The following ANXA1 variants were observed in gnomAD, a reference collection of about 807,000 sequenced individuals.
The protein encoded by ANXA1 is annexin I (lipocortin I).
ANXA1 carries 39 observed loss-of-function variants against 47.9 expected under a neutral mutation model. The ratio of observed to expected loss-of-function variants is 0.81; its 90% CI spans 0.63 to 1.06. ANXA1 has a LOEUF of 1.06. Ranked by LOEUF, ANXA1 falls within the 50% of genes least tolerant of loss-of-function variation. The pLI is 0.00. For synonymous variants in ANXA1, 146 were observed against 142.5 expected, an observed-to-expected ratio of 1.02 and a Z score of -0.17; for missense variants, 446 against 422.7, an observed-to-expected ratio of 1.06 and a Z score of -0.48.
At chr9:73,169,982 T>G (rs1003679038) in intron 12 of ANXA1, 69 bp from the exon 13 acceptor site, 8 of 1,191,578 alleles carry the variant, frequency 6.7e-6, no homozygotes, top group Middle Eastern at 2.4e-4. Flanking sequence ...ATAATTCTTC[T>G]ATAAGTAAAA....
intron 11 of ANXA1, chr9:73,168,094 A>C (rs1402856839): frequency 3.3e-5 from 5 of 152,224 alleles, no homozygotes; most frequent in African/African-American, 1.2e-4. Flanking sequence ...TGACATTTTG[A>C]GCCCACAAAT....
intron 9 of ANXA1, 167 bp downstream of exon 9, chr9:73,165,376 T>C (rs1588224461): frequency 1.8e-6 from 1 of 540,566 alleles, no homozygotes; most frequent in East Asian, 3.2e-5. Flanking sequence ...TCCAATTTTG[T>C]ACAGCCGCTA....
chr9:73,156,174 A>T (rs560028960), intron 1 of ANXA1, among the ~76,000 whole-genome samples: 86 of 148,276 alleles, frequency 5.8e-4, no homozygotes, highest in South Asian at 3.8e-3. Context: ...AATAAATAAA[A>T]TAAATAAATA....
At chr9:73,158,650 G>T (rs1490353672) in intron 2 of ANXA1, 45 bp from the exon 3 acceptor site, 1 of 1,608,804 alleles carries the variant, frequency 6.2e-7, no homozygotes, top group Non-Finnish European at 8.5e-7. Context: ...AAATAAAAAC[G>T]AATATAAGTA....
In ANXA1 at chr9:73,158,561, A is replaced by G. The variant is rs1588218566; in HGVS notation, c.26A>G (p.Lys9Arg). 1 of 1,613,792 alleles carries G rather than the reference A, an allele frequency of 6.2e-7. No individual in the cohort carries two copies. The highest frequency in any genetic ancestry group is 8.5e-7 in the Non-Finnish European group (1 of 1,179,826). The change falls in exon 2 of 13, where the codon AAG becomes AGG. Residue 9 changes from lysine (K) to arginine (R), a missense_variant. Transcript: ENST00000257497. MAMVSEFLKQAWFIENEEQ... is the reference protein window; with the variant it reads MAMVSEFLRQAWFIENEEQ... ...ATGGCAATGGTATCAGAATTCCTCA[A>G]GCAGGCCTGGTTTATTGAAAATGAA...
chr9:73,152,701 C>T (rs919998509), intron 1 of ANXA1, among the ~76,000 whole-genome samples: 11 of 152,080 alleles, frequency 7.2e-5, no homozygotes, highest in Admixed American at 2.6e-4. Context: ...AGCTATTCCA[C>T]TTGATTGTTG....
chr9:73,158,640 A>C (rs375641852), intron 2 of ANXA1, 39 bp downstream of exon 2: 93 of 1,609,726 alleles, frequency 5.8e-5, no homozygotes, highest in Non-Finnish European at 7.8e-5. Flanking sequence ...TACAATATTG[A>C]AATAAAAACG....
At chr9:73,154,154 G>GT in intron 1 of ANXA1, 1 of 398,394 alleles carries the variant, frequency 2.5e-6, no homozygotes, top group Non-Finnish European at 4.6e-6. Flanking sequence ...ATTGCTTTCT[G>GT]TAAGTCATGC....
rs73491660 is a variant in ANXA1, at chr9:73,166,520, T to C, written c.802+328T>C. Reference sequence around the variant, plus strand: ...GAGAGCATGGGATCTGGAATAAATGTAACATCTGGATAAATGTAACTTCAA... The same window carrying C: ...GAGAGCATGGGATCTGGAATAAATGCAACATCTGGATAAATGTAACTTCAA... On this transcript the variant is annotated intron_variant, in intron 10 of 12. Coordinates refer to ENST00000257497, the MANE Select transcript of ANXA1 (RefSeq NM_000700.3). Among the ~76,000 whole-genome samples the C allele has an allele frequency of 2.9e-3, 445 of 152,254 alleles. 2 individuals carry two copies. The highest frequency in any genetic ancestry group is 0.01 in the African/African-American group (433 of 41,572).
Position 73,169,032 on chromosome 9 carries a change from G to A in ANXA1, c.862G>A (p.Gly288Ser). ...FAEKLHQAMK[G>S]VGTRHKALIR... is the part of the protein sequence containing the mutation. ...ACTTACCCTCATTTATTTTGGCCAG[G>A]GTGTTGGAACTCGCCATAAGGCATT... Residue 288 changes from glycine to serine, a missense_variant and splice_region_variant, in exon 12 of 13, where the codon GGT becomes AGT. Physicochemically the swap from Gly to Ser is moderately conservative, Grantham distance 56. Transcript: ENST00000257497. 6.2e-7 allele frequency: 1 copy of A among 1,605,302 alleles called. No homozygotes were observed. The highest frequency in any genetic ancestry group is 1.1e-5 in the South Asian group (1 of 89,080).
At chr9:73,154,361 A>G in intron 1 of ANXA1, 1 of 1,365,548 alleles carries the variant, frequency 7.3e-7, no homozygotes, top group Non-Finnish European at 9.8e-7. Flanking sequence ...TTAAAAGAAC[A>G]CTGATCATGT....
intron 1 of ANXA1, among the ~76,000 whole-genome samples, chr9:73,156,425 C>T (rs1824049643): frequency 6.6e-6 from 1 of 152,022 alleles, no homozygotes; most frequent in South Asian, 2.1e-4. Context: ...GGAACTAAAA[C>T]CTTGTGCAAA....
chr9:73,167,512 G>A lies in ANXA1; in HGVS notation c.818G>A (p.Ser273Asn). 3 of 1,613,386 alleles carry A rather than the reference G, an allele frequency of 1.9e-6. No individual in the cohort carries two copies. The highest frequency in any genetic ancestry group is 2.5e-6 in the Non-Finnish European group (3 of 1,179,526). Residue 273 changes from serine (S) to asparagine (N), a missense_variant, in exon 11 of 13, where the codon AGC becomes AAC. Coordinates refer to ENST00000257497, the MANE Select transcript of ANXA1 (RefSeq NM_000700.3). The part of the protein sequence containing the change: ...CLTAIVKCAT[S>N]KPAFFAEKLH... ...TCTCTAACAGTGAAGTGCGCCACAAGCAAACCAGCTTTCTTTGCAGAGAAG... is the reference window on the plus strand; with the variant it reads ...TCTCTAACAGTGAAGTGCGCCACAAACAAACCAGCTTTCTTTGCAGAGAAG...
At chr9:73,168,880 G>GGGGTGT in intron 11 of ANXA1, 152 bp from the exon 12 acceptor site, 1 of 401,832 alleles carries the variant, frequency 2.5e-6, no homozygotes, top group Non-Finnish European at 4.6e-6. Context: ...ATTCGTGTAA[G>GGGGTGT]GTGTGTGTGT....
rs768771963 is a variant in ANXA1 at position 73,163,544 on chromosome 9, C to A, written c.612+12C>A. ...ATTCAGATGCCAGGGTAAGGAAGTG[C>A]TTACAAAATACTGCTGCAGTTCATC... On this transcript the variant is annotated intron_variant, in intron 8 of 12. Coordinates refer to ENST00000257497, the MANE Select transcript of ANXA1 (RefSeq NM_000700.3). 2 of 1,612,142 alleles carry A rather than the reference C, an allele frequency of 1.2e-6. No homozygotes were observed. The highest frequency in any genetic ancestry group is 3.3e-5 in the Admixed American group (2 of 59,870).
chr9:73,168,148 A>T lies in ANXA1; in HGVS notation c.861+593A>T, dbSNP rs1415460261. The T allele has an allele frequency of 2.0e-5, 3 of 152,006 alleles. No individual in the cohort carries two copies. The East Asian group carries it at 5.8e-4, about 29-fold the overall frequency. The allele number at this position is 152,006 out of a possible 1,614,324, so 9.4% of individuals were successfully genotyped here. On this transcript the variant is annotated intron_variant, in intron 11 of 12. Coordinates refer to ENST00000257497, the MANE Select transcript of ANXA1 (RefSeq NM_000700.3). The stretch of plus-strand genomic sequence containing the variant: ...CTTCCTTTTTTCTTTGCAGCTCCAA[A>T]ATAAGGAGGTTTTCAGAGAGAGAGA...
intron 3 of ANXA1, 60 bp downstream of exon 3, chr9:73,158,863 C>A: frequency 7.4e-7 from 1 of 1,348,220 alleles, no homozygotes. Flanking sequence ...ATTTGAATGA[C>A]TGTCAAAAAA....
chr9:73,166,299 A>G, intron 10 of ANXA1, 107 bp downstream of exon 10: 1 of 784,738 alleles, frequency 1.3e-6, no homozygotes, highest in Admixed American at 3.0e-5. Flanking sequence ...AAGAAAACAA[A>G]AAACAATCAG....
At chr9:73,155,493 T>C (rs1361096201) in intron 1 of ANXA1, among the ~76,000 whole-genome samples, 1 of 152,184 alleles carries the variant, frequency 6.6e-6, no homozygotes, top group Non-Finnish European at 1.5e-5. Flanking sequence ...TATAAAAAAA[T>C]ATATATTTGG....
Sources: allele counts gnomAD v4.1 joint callset (sites outside exome capture counted in the v4.1 genomes callset), GRCh38; gene constraint gnomAD v4.1.1; transcripts MANE v1.5; gene names NCBI Gene and HGNC (gene_info 2026-07-23, HGNC 2026-07-21).